Variants in TPD52L1 observed in about 807,000 individuals in gnomAD.
The protein encoded by TPD52L1 is tumor protein D53.
TPD52L1 carries 18 observed loss-of-function variants against 28.7 expected under a neutral mutation model. That is an observed-to-expected ratio of 0.63 (90% CI 0.43 to 0.93). TPD52L1 has a LOEUF of 0.93. TPD52L1 is among the 40% of genes least tolerant of loss of function. The pLI is 0.00. For missense variants in TPD52L1, 203 were observed against 254.8 expected (o/e 0.80, Z 1.39); for synonymous variants, 75 against 88.8 (o/e 0.84, Z 0.88).
intron 1 of TPD52L1, among the ~76,000 whole-genome samples, chr6:125,157,612 T>C (rs1790221991): frequency 6.6e-6 from 1 of 152,174 alleles, no homozygotes; most frequent in African/African-American, 2.4e-5. Flanking sequence ...AATGTAGCAT[T>C]TTCCCGAAAC....
chr6:125,206,812 A>T (rs1794179753), intron 1 of TPD52L1, among the ~76,000 whole-genome samples: 2 of 137,644 alleles, frequency 1.5e-5, no homozygotes. Context: ...GTGGAGAAAG[A>T]GAATACAAGC....
At chr6:125,236,381 G>C (rs1219355172) in intron 3 of TPD52L1, among the ~76,000 whole-genome samples, 1 of 152,038 alleles carries the variant, frequency 6.6e-6, no homozygotes, top group African/African-American at 2.4e-5. Flanking sequence ...TTTTGCTATA[G>C]AAATGTGTTT....
intron 3 of TPD52L1, among the ~76,000 whole-genome samples, chr6:125,229,776 G>A (rs567008055): frequency 2.6e-5 from 4 of 152,104 alleles, no homozygotes; most frequent in Non-Finnish European, 5.9e-5. Flanking sequence ...GGAATATTTA[G>A]AGCTGGGTTT....
intron 2 of TPD52L1, among the ~76,000 whole-genome samples, chr6:125,225,705 T>C (rs1795566007): frequency 6.6e-6 from 1 of 152,190 alleles, no homozygotes; most frequent in Admixed American, 6.5e-5. Context: ...TTAACATGAT[T>C]TACTTGCACT....
Position 125,202,766 on chromosome 6 carries a change from CT to C in TPD52L1, c.20-17296del, listed in dbSNP as rs55761249. ...CTGAGTGTTACATTTGGAGGTTTAT[CT>C]TTTTTTTTTTTTTTTGAGACGGAGC... On this transcript the variant is annotated intron_variant, in intron 1 of 6. Coordinates refer to ENST00000534000, the MANE Select transcript of TPD52L1 (RefSeq NM_003287.4). Among the ~76,000 whole-genome samples, 352 of 116,412 alleles carry C rather than the reference CT, an allele frequency of 3.0e-3. 14 individuals carry two copies. The East Asian group carries it at 0.036, about 12-fold the overall frequency. The allele number at this position is 116,412 out of a possible 152,430, so 76.4% of individuals were successfully genotyped here.
At chr6:125,183,919 T>C (rs549487790) in intron 1 of TPD52L1, among the ~76,000 whole-genome samples, 1 of 152,298 alleles carries the variant, frequency 6.6e-6, no homozygotes, top group Non-Finnish European at 1.5e-5. Flanking sequence ...AGAAAAACTT[T>C]GTCTAAAATT....
chr6:125,250,544 C>T (rs1054613210), intron 4 of TPD52L1, among the ~76,000 whole-genome samples: 1 of 152,158 alleles, frequency 6.6e-6, no homozygotes, highest in African/African-American at 2.4e-5. Flanking sequence ...AAGTGACCAG[C>T]TCAGTTACAA....
At chr6:125,164,763 A>G (rs1258275259) in intron 1 of TPD52L1, among the ~76,000 whole-genome samples, 3 of 149,734 alleles carry the variant, frequency 2.0e-5, no homozygotes, top group Non-Finnish European at 4.4e-5. Flanking sequence ...TGAGCCATCA[A>G]TGGATTTGTC....
rs1798173022 is a variant in TPD52L1, at chr6:125,263,532, C to T, written c.*570C>T. The T allele has an allele frequency of 6.6e-6, 1 of 152,396 alleles. No individual in the cohort carries two copies. Among genetic ancestry groups the T allele is most frequent in the South Asian group, 2.1e-4 (1 of 4,844 alleles). 9.4% of individuals were successfully genotyped at this position (152,396 alleles called of 1,614,324 possible). ...CTTAATTTCTTTGTCTTAAAAGTTG[C>T]TAGTTATGATTTTACAGATGCAATT... On this transcript the variant is annotated 3_prime_UTR_variant, in exon 7 of 7. Transcript: ENST00000534000.
At chr6:125,172,445 A>C (rs1582854193) in intron 1 of TPD52L1, among the ~76,000 whole-genome samples, 1 of 125,728 alleles carries the variant, frequency 8.0e-6, no homozygotes, top group Non-Finnish European at 1.6e-5. Flanking sequence ...TAGCCACCAC[A>C]CCTGGCCTGG....
chr6:125,154,482 T>A, intron 1 of TPD52L1: 5 of 985,644 alleles, frequency 5.1e-6, no homozygotes, highest in Non-Finnish European at 6.0e-6. Context: ...GGACCCGCCT[T>A]CCGAGGCCAG....
chr6:125,219,710 T>C (rs79395889), intron 1 of TPD52L1: 13,233 of 303,570 alleles, frequency 0.044, 371 homozygotes, highest in East Asian at 0.079. Flanking sequence ...TACACAGGAA[T>C]CTCACATTAA....
chr6:125,191,981 G>A (rs1793074900), intron 1 of TPD52L1, among the ~76,000 whole-genome samples: 1 of 152,190 alleles, frequency 6.6e-6, no homozygotes, highest in Non-Finnish European at 1.5e-5. Flanking sequence ...ATGAATGAAG[G>A]ACCCTGACAT....
chr6:125,237,807 ATTTTG>A (rs777982194), intron 3 of TPD52L1, among the ~76,000 whole-genome samples: 3 of 151,280 alleles, frequency 2.0e-5, no homozygotes, highest in East Asian at 2.0e-4. Flanking sequence ...CCCAGCCCTG[ATTTTG>A]TTTTGTTTTG....
At chr6:125,190,231 G>A (rs906370887) in intron 1 of TPD52L1, among the ~76,000 whole-genome samples, 5 of 152,146 alleles carry the variant, frequency 3.3e-5, no homozygotes, top group African/African-American at 1.2e-4. Context: ...TTGTAGGACT[G>A]TCAAAATATG....
intron 2 of TPD52L1, among the ~76,000 whole-genome samples, 158 bp downstream of exon 2, chr6:125,220,351 C>T (rs1018203471): frequency 6.6e-6 from 1 of 151,906 alleles, no homozygotes; most frequent in East Asian, 1.9e-4. Context: ...TTCATTTTTC[C>T]AGGGTATTTT....
At chr6:125,193,419 C>T (rs1396842524) in intron 1 of TPD52L1, among the ~76,000 whole-genome samples, 1 of 152,034 alleles carries the variant, frequency 6.6e-6, no homozygotes, top group Non-Finnish European at 1.5e-5. Flanking sequence ...CATGGGTGTG[C>T]CATAGCCTTC....
intron 1 of TPD52L1, among the ~76,000 whole-genome samples, chr6:125,219,022 C>T (rs528257919): frequency 9.2e-5 from 14 of 152,326 alleles, no homozygotes; most frequent in African/African-American, 3.1e-4. Context: ...CCCCTAAAAC[C>T]GGCAGAAACT....
At chr6:125,241,238 T>C (rs944241236) in intron 3 of TPD52L1, among the ~76,000 whole-genome samples, 5 of 152,134 alleles carry the variant, frequency 3.3e-5, no homozygotes, top group African/African-American at 1.2e-4. Context: ...TAGTATTTTG[T>C]TGAGGATTTT....
Sources: gnomAD v4.1 joint callset for allele counts (sites outside exome capture counted in the v4.1 genomes callset) on GRCh38, gnomAD v4.1.1 for gene constraint, MANE v1.5 for transcripts, NCBI Gene and HGNC (gene_info 2026-07-23, HGNC 2026-07-21) for gene names.